USP30: variants seen among roughly 807,000 people sequenced by gnomAD.
USP30 encodes ubiquitin carboxyl-terminal hydrolase 30.
USP30 carries 41 observed loss-of-function variants against 68.2 expected under a neutral mutation model. The ratio of observed to expected loss-of-function variants is 0.60; its 90% CI spans 0.47 to 0.78. The LOEUF is 0.78. USP30 is among the 30% of genes least tolerant of loss of function. The pLI is 0.00. For synonymous variants in USP30, 229 were observed against 253.7 expected, an observed-to-expected ratio of 0.90 and a Z score of 0.93; for missense variants, 522 against 649.4, an observed-to-expected ratio of 0.80 and a Z score of 2.13.
intron 2 of USP30, among the ~76,000 whole-genome samples, chr12:109,026,500 C>T (rs1158015133): frequency 6.6e-6 from 1 of 151,458 alleles, no homozygotes. Flanking sequence ...GTCTCTGTCA[C>T]TCAGGCTGGA....
At chr12:109,042,005 G>A (rs150034759) in intron 3 of USP30, among the ~76,000 whole-genome samples, 2 of 151,692 alleles carry the variant, frequency 1.3e-5, no homozygotes, top group African/African-American at 4.8e-5. Context: ...ATATGAAACA[G>A]CATTCAGGAG....
At chr12:109,062,627 C>CT (rs1396522888) in intron 3 of USP30, among the ~76,000 whole-genome samples, 5 of 151,870 alleles carry the variant, frequency 3.3e-5, no homozygotes, top group Non-Finnish European at 4.4e-5. Flanking sequence ...CGCGCCCAGC[C>CT]TTTTTTTTCT....
rs2041801491 is a variant in USP30, at chr12:109,081,623, G to GCACGCACA, written c.780+233_780+234insGCACACAC. 3.0e-5 allele frequency: 15 copies of GCACGCACA among 500,532 alleles called. No homozygotes were observed. The South Asian group carries it at 3.9e-4, about 13-fold the overall frequency. The allele number at this position is 500,532 out of a possible 1,614,324, so 31.0% of individuals were successfully genotyped here. Reference sequence around the variant, plus strand: ...TTTGAATACACACGCACGCATGCGCGCACACACACACACACACACACACAC... The same window carrying GCACGCACA: ...TTTGAATACACACGCACGCATGCGCGCACGCACACACACACACACACACACACACACAC... On this transcript the variant is annotated intron_variant, in intron 8 of 12. Transcript: ENST00000257548.
In USP30 at chr12:109,078,109, A is replaced by G. The variant is rs560049497; in HGVS notation, c.721-3225A>G. ...AGTTCTGTTCTTAACTTTTTGAGGAACCTCCTCCGTACAATTTTCCATAAT... is the reference window on the plus strand; with the variant it reads ...AGTTCTGTTCTTAACTTTTTGAGGAGCCTCCTCCGTACAATTTTCCATAAT... On this transcript the variant is annotated intron_variant, in intron 7 of 12. Coordinates refer to ENST00000257548, the MANE Select transcript of USP30 (RefSeq NM_032663.5). 6.6e-5 allele frequency among the ~76,000 whole-genome samples: 10 copies of G among 151,812 alleles called. No individual in the cohort carries two copies. The South Asian group carries it at 1.5e-3, about 22-fold the overall frequency.
chr12:109,030,327 A>C (rs766715671), intron 3 of USP30, among the ~76,000 whole-genome samples: 3 of 152,212 alleles, frequency 2.0e-5, no homozygotes, highest in African/African-American at 4.8e-5. Context: ...ATTAAACAAG[A>C]TGATGGATAT....
At chr12:109,023,628 C>CTTTTTTTTT (rs1179349331) in intron 1 of USP30, among the ~76,000 whole-genome samples, 5 of 72,706 alleles carry the variant, frequency 6.9e-5, no homozygotes, top group Admixed American at 2.4e-4. Flanking sequence ...TTAATCAGGA[C>CTTTTTTTTT]TTTTTTTTTT....
intron 1 of USP30, chr12:109,053,789 A>G: frequency 3.7e-6 from 1 of 271,862 alleles, no homozygotes; most frequent in Non-Finnish European, 7.4e-6. Context: ...CAAAGTCGCC[A>G]CTTGTCCCTG....
chr12:109,083,490 G>A (rs1323191098), intron 11 of USP30, among the ~76,000 whole-genome samples: 2 of 152,064 alleles, frequency 1.3e-5, no homozygotes, highest in African/African-American at 4.8e-5. Context: ...CTTCTGTACT[G>A]AATTATGTAT....
chr12:109,044,070 A>G (rs777641185), intron 3 of USP30, among the ~76,000 whole-genome samples: 2 of 152,228 alleles, frequency 1.3e-5, no homozygotes, highest in African/African-American at 4.8e-5. Context: ...CACACCATAA[A>G]TGAACCTTGA....
At chr12:109,081,794 G>T in intron 8 of USP30, 139 bp from the exon 9 acceptor site, 1 of 843,920 alleles carries the variant, frequency 1.2e-6, no homozygotes. Flanking sequence ...GTTTGTCCAG[G>T]AAACATCCAG....
chr12:109,083,150 C>T (rs1232081035), intron 11 of USP30, 88 bp downstream of exon 11: 3 of 1,328,356 alleles, frequency 2.3e-6, no homozygotes, highest in Non-Finnish European at 3.1e-6. Context: ...TCCCTTATGA[C>T]AGGAGCACAA....
In USP30 at chr12:109,082,830, C is replaced by T. The variant is rs1172552466; in HGVS notation, c.949-13C>T. 1 of 1,611,898 alleles carries T rather than the reference C, an allele frequency of 6.2e-7. No homozygotes were observed. Among genetic ancestry groups the T allele is most frequent in the Non-Finnish European group, 8.5e-7 (1 of 1,178,438 alleles). On this transcript the variant is annotated splice_polypyrimidine_tract_variant and intron_variant, in intron 10 of 12. Coordinates refer to ENST00000257548, the MANE Select transcript of USP30 (RefSeq NM_032663.5). ...AAACAACTCGGTTCTCCCGATTTCT[C>T]TTCCACCCGCAGCTCCCTCAGTGTC...
At chr12:109,041,682 G>A (rs185706131) in intron 3 of USP30, among the ~76,000 whole-genome samples, 6 of 151,958 alleles carry the variant, frequency 3.9e-5, no homozygotes, top group Admixed American at 3.9e-4. Flanking sequence ...TGTGAAGTAT[G>A]AACTTATCAA....
intron 1 of USP30, among the ~76,000 whole-genome samples, chr12:109,055,815 T>TAA (rs779280314): frequency 2.8e-4 from 36 of 129,602 alleles, no homozygotes; most frequent in East Asian, 4.4e-4. Flanking sequence ...CCCAGTGCAT[T>TAA]AAAAAAAAAA....
In USP30 at chr12:109,052,588, T is replaced by A. The variant is rs546987462; in HGVS notation, c.-91T>A. 1.5e-6 allele frequency: 2 copies of A among 1,307,390 alleles called. No homozygotes were observed. Among genetic ancestry groups the A allele is most frequent in the South Asian group, 3.3e-5 (2 of 61,412 alleles). 81.0% of individuals were successfully genotyped at this position (1,307,390 alleles called of 1,614,324 possible). A position where few individuals can be genotyped will look rare whatever the true frequency, so the allele number is the denominator to read the frequency against. Reference sequence around the variant, plus strand: ...AGGTGCTGGGACTGCGGCCGCAGGTTCCGCTGTCTCGGGAACCGTCGTATC... The same window carrying A: ...AGGTGCTGGGACTGCGGCCGCAGGTACCGCTGTCTCGGGAACCGTCGTATC... On this transcript the variant is annotated 5_prime_UTR_variant, in exon 1 of 13. Transcript: ENST00000257548.
At chr12:109,043,958 G>C (rs2040582791) in intron 3 of USP30, among the ~76,000 whole-genome samples, 1 of 152,140 alleles carries the variant, frequency 6.6e-6, no homozygotes, top group Non-Finnish European at 1.5e-5. Context: ...TAAAACATAG[G>C]TAGCAACCCG....
intron 2 of USP30, among the ~76,000 whole-genome samples, chr12:109,026,168 C>T (rs2040443409): frequency 6.6e-6 from 1 of 152,092 alleles, no homozygotes; most frequent in South Asian, 2.1e-4. Flanking sequence ...CTCCACTTCC[C>T]AGGCTCAAAT....
intron 3 of USP30, among the ~76,000 whole-genome samples, chr12:109,047,316 G>C (rs941821876): frequency 1.3e-5 from 2 of 152,148 alleles, no homozygotes; most frequent in African/African-American, 4.8e-5. Flanking sequence ...TCAGTGCTAA[G>C]AATGTGCTGC....
At chr12:109,083,127 A>T in intron 11 of USP30, 65 bp downstream of exon 11, 3 of 1,490,566 alleles carry the variant, frequency 2.0e-6, no homozygotes, top group Admixed American at 2.1e-5. Flanking sequence ...GTTTGGCATC[A>T]CCACCTTCTG....
Sources: gnomAD v4.1 joint callset for allele counts (sites outside exome capture counted in the v4.1 genomes callset) on GRCh38, gnomAD v4.1.1 for gene constraint, MANE v1.5 for transcripts, NCBI Gene and HGNC (gene_info 2026-07-23, HGNC 2026-07-21) for gene names.